HEXIM2: variants seen among roughly 807,000 people sequenced by gnomAD.
The protein encoded by HEXIM2 is HEXIM P-TEFb complex subunit 2, also known as protein HEXIM2.
For missense variants in HEXIM2, 413 were observed against 390.8 expected, an observed-to-expected ratio of 1.06 and a Z score of -0.48; for synonymous variants, 159 against 162.7, an observed-to-expected ratio of 0.98 and a Z score of 0.17.
chr17:45,169,982 T>C lies in HEXIM2; in HGVS notation c.*173T>C. 1 of 512,092 alleles carries C rather than the reference T, an allele frequency of 2.0e-6. No homozygotes were observed. The highest frequency in any genetic ancestry group is 3.3e-6 in the Non-Finnish European group (1 of 300,052). 31.7% of individuals were successfully genotyped at this position (512,092 alleles called of 1,614,324 possible). On this transcript the variant is annotated 3_prime_UTR_variant, in exon 4 of 4. Transcript: ENST00000589230. ...ACCTCACCGTTTCCATAGTTGGCTC[T>C]TTTGTGTCATCTTACCCTTTACAGA...
In HEXIM2 at chr17:45,169,729, A is replaced by G; in HGVS notation, c.781A>G (p.Thr261Ala). 6.7e-7 allele frequency: 1 copy of G among 1,499,140 alleles called. No individual in the cohort carries two copies. The allele number at this position is 1,499,140 out of a possible 1,614,324, so 92.9% of individuals were successfully genotyped here. Reference protein sequence around the residue: ...ELAAEVQRLRTENQRLRQENQ... With the variant: ...ELAAEVQRLRAENQRLRQENQ... ...GGCTGCCGAGGTCCAGAGGCTCCGG[A>G]CCGAAAACCAGCGGCTTCGTCAGGA... Residue 261 changes from threonine (T) to alanine (A), a missense_variant, in exon 4 of 4, where the codon ACC (threonine) becomes GCC (alanine). Coordinates refer to ENST00000589230, the MANE Select transcript of HEXIM2 (RefSeq NM_001303441.2).
chr17:45,164,194 G>A (rs563343427), intron 3 of HEXIM2, among the ~76,000 whole-genome samples: 33 of 151,268 alleles, frequency 2.2e-4, no homozygotes, highest in Non-Finnish European at 3.5e-4. Flanking sequence ...AGTGGCTCAC[G>A]CCTGTAATCC....
Position 45,161,999 on chromosome 17 carries a change from G to C in HEXIM2, c.-225G>C. The C allele has an allele frequency of 1.2e-5, 12 of 985,356 alleles. No homozygotes were observed. The highest frequency in any genetic ancestry group is 1.3e-5 in the Non-Finnish European group (11 of 830,000). 61.0% of individuals were successfully genotyped at this position (985,356 alleles called of 1,614,324 possible). A position where few individuals can be genotyped will look rare whatever the true frequency, so the allele number is the denominator to read the frequency against. ...CAGTCGCACAGAAAGGCACACAGAT[G>C]TAGTGGTGTGCATAGCCCTTGACAG... On this transcript the variant is annotated 5_prime_UTR_variant, in exon 1 of 4. It removes an upstream start codon present in the reference 5' UTR. Coordinates refer to ENST00000589230, the MANE Select transcript of HEXIM2 (RefSeq NM_001303441.2).
upstream of HEXIM2, chr17:45,161,874 T>G (rs1731115014): frequency 2.0e-6 from 2 of 985,562 alleles, no homozygotes; most frequent in Non-Finnish European, 2.4e-6. Context: ...GCGTCCAGGC[T>G]CTCTCTTCCC....
intron 3 of HEXIM2, among the ~76,000 whole-genome samples, 192 bp downstream of exon 3, chr17:45,163,051 C>T (rs1174893724): frequency 2.0e-5 from 3 of 152,172 alleles, no homozygotes; most frequent in Admixed American, 6.5e-5. Context: ...TGGCCGGGTG[C>T]GGTGGCTCAC....
At chr17:45,168,210 G>T (rs919566142) in intron 3 of HEXIM2, among the ~76,000 whole-genome samples, 1 of 150,304 alleles carries the variant, frequency 6.7e-6, no homozygotes, top group Non-Finnish European at 1.5e-5. Context: ...GGCCTTGCGC[G>T]GTGGCTCACA....
intron 3 of HEXIM2, among the ~76,000 whole-genome samples, chr17:45,166,735 A>T (rs1458425308): frequency 6.6e-6 from 1 of 152,066 alleles, no homozygotes; most frequent in Non-Finnish European, 1.5e-5. Context: ...AAAAGATGAA[A>T]AAAGGTAGCT....
chr17:45,167,544 GTTA>G (rs1363412849), intron 3 of HEXIM2, among the ~76,000 whole-genome samples: 1 of 152,202 alleles, frequency 6.6e-6, no homozygotes, highest in Non-Finnish European at 1.5e-5. Context: ...GCTGCAGGGA[GTTA>G]TTATTGCACC....
At chr17:45,168,912 G>C (rs2042942103) in intron 3 of HEXIM2, 103 bp from the exon 4 acceptor site, 1 of 1,113,588 alleles carries the variant, frequency 9.0e-7, no homozygotes, top group South Asian at 1.5e-5. Flanking sequence ...GACCAAGTTA[G>C]CTGAGTGTAG....
intron 3 of HEXIM2, among the ~76,000 whole-genome samples, chr17:45,167,739 C>T (rs143351685): frequency 2.1e-3 from 321 of 151,986 alleles, no homozygotes; most frequent in African/African-American, 6.8e-3. Flanking sequence ...GGACTACAGG[C>T]GCCCGCCATC....
chr17:45,167,880 G>C (rs1176404422), intron 3 of HEXIM2, among the ~76,000 whole-genome samples: 2 of 150,436 alleles, frequency 1.3e-5, no homozygotes, highest in African/African-American at 4.9e-5. Flanking sequence ...ACAGGTGTGA[G>C]CCACCTCGCC....
In HEXIM2 at chr17:45,161,937, G is replaced by T; in HGVS notation, c.-287G>T. The T allele has an allele frequency of 1.0e-6, 1 of 985,600 alleles. No homozygotes were observed. Among genetic ancestry groups the T allele is most frequent in the East Asian group, 1.1e-4 (1 of 8,822 alleles). The allele number at this position is 985,600 out of a possible 1,614,324, so 61.1% of individuals were successfully genotyped here. A position where few individuals can be genotyped will look rare whatever the true frequency, so the allele number is the denominator to read the frequency against. ...ACCAGAGCTGCTGCAACTGCAGCAA[G>T]AGGTAGGGCTCAGGCGTTGGGAATT... is the stretch of plus-strand genomic sequence containing the variant. On this transcript the variant is annotated 5_prime_UTR_variant, in exon 1 of 4. Coordinates refer to ENST00000589230, the MANE Select transcript of HEXIM2 (RefSeq NM_001303441.2).
At chr17:45,168,211 G>A (rs950282404) in intron 3 of HEXIM2, among the ~76,000 whole-genome samples, 19 of 150,518 alleles carry the variant, frequency 1.3e-4, no homozygotes, top group African/African-American at 3.9e-4. Flanking sequence ...GCCTTGCGCG[G>A]TGGCTCACAC....
intron 3 of HEXIM2, among the ~76,000 whole-genome samples, chr17:45,167,885 C>T (rs2042903656): frequency 6.7e-6 from 1 of 149,976 alleles, no homozygotes; most frequent in Admixed American, 6.7e-5. Flanking sequence ...TGTGAGCCAC[C>T]TCGCCCGGCC....
Position 45,169,504 on chromosome 17 carries a change from G to A in HEXIM2, c.556G>A (p.Gly186Ser), listed in dbSNP as rs1271448407. ...GDSDGRGRAH[G>S]EFQRKDFSET... ...CAGTGATGGGCGGGGCCGAGCGCAC[G>A]GTGAGTTCCAGCGGAAGGACTTCTC... is the stretch of plus-strand genomic sequence containing the variant. Residue 186 changes from glycine (G) to serine (S), a missense_variant, in exon 4 of 4, where the codon GGT becomes AGT. Physicochemically the swap from Gly to Ser is moderately conservative, Grantham distance 56. Coordinates refer to ENST00000589230, the MANE Select transcript of HEXIM2 (RefSeq NM_001303441.2). The A allele has an allele frequency of 1.2e-6, 2 of 1,609,802 alleles. No homozygotes were observed. Among genetic ancestry groups the A allele is most frequent in the Non-Finnish European group, 1.7e-6 (2 of 1,178,260 alleles).
At chr17:45,167,982 G>T (rs758875728) in intron 3 of HEXIM2, among the ~76,000 whole-genome samples, 1 of 151,220 alleles carries the variant, frequency 6.6e-6, no homozygotes, top group Non-Finnish European at 1.5e-5. Flanking sequence ...AACTTCCGCC[G>T]CCCACATTCT....
chr17:45,160,721 G>A, upstream of HEXIM2: 1 of 389,564 alleles, frequency 2.6e-6, no homozygotes, highest in Non-Finnish European at 5.2e-6. Flanking sequence ...GTTTCACCAA[G>A]AGGCTGGCGA....
intron 3 of HEXIM2, among the ~76,000 whole-genome samples, chr17:45,167,899 T>C (rs2042904882): frequency 7.1e-6 from 1 of 141,592 alleles, no homozygotes; most frequent in Non-Finnish European, 1.5e-5. Context: ...CCCGGCCTGT[T>C]TGTTTGTTTT....
intron 1 of HEXIM2, 53 bp downstream of exon 1, chr17:45,162,084 G>A: frequency 1.1e-6 from 1 of 894,238 alleles, no homozygotes; most frequent in Non-Finnish European, 1.3e-6. Flanking sequence ...CTTCTTCCAA[G>A]AAATCCATCC....
Sources: gnomAD v4.1 joint callset for allele counts (sites outside exome capture counted in the v4.1 genomes callset) on GRCh38, gnomAD v4.1.1 for gene constraint, MANE v1.5 for transcripts, NCBI Gene and HGNC (gene_info 2026-07-23, HGNC 2026-07-21) for gene names.